The following CD8B2 variants were observed in gnomAD, a reference collection of about 807,000 sequenced individuals.
CD8B2 encodes the protein CD8B family member 2, also known as T-cell surface glycoprotein CD8 beta-2 chain.
CD8B2 carries 11 observed loss-of-function variants against 23.7 expected under a neutral mutation model. The observed-to-expected ratio is 0.46, with a 90% confidence interval of 0.29 to 0.77. CD8B2 has a LOEUF of 0.77. Among genes scored for constraint, CD8B2 ranks in the 30% least tolerant of loss-of-function variants. The pLI is 0.09. For missense variants in CD8B2, 197 were observed against 270.5 expected (o/e 0.73, Z 1.91); for synonymous variants, 90 against 109.3 (o/e 0.82, Z 1.10).
chr2:106,498,915 G>A (rs1469949948), intron 3 of CD8B2, among the ~76,000 whole-genome samples: 1 of 152,172 alleles, frequency 6.6e-6, no homozygotes, highest in East Asian at 1.9e-4. Flanking sequence ...CTTAGGTGCT[G>A]GGGGACCATT....
At chr2:106,513,224 A>G (rs1356325804), downstream of CD8B2, among the ~76,000 whole-genome samples, 2 of 151,482 alleles carry the variant, frequency 1.3e-5, no homozygotes, top group African/African-American at 4.9e-5. Flanking sequence ...AAGTTCAACA[A>G]CTCAGATCTC....
rs1175202885 is a variant in CD8B2 at position 106,507,029 on chromosome 2, A to G, written c.*89A>G. 6.7e-7 allele frequency: 1 copy of G among 1,494,690 alleles called. No individual in the cohort carries two copies. The highest frequency in any genetic ancestry group is 1.4e-5 in the African/African-American group (1 of 71,352). The allele number at this position is 1,494,690 out of a possible 1,614,324, so 92.6% of individuals were successfully genotyped here. On this transcript the variant is annotated 3_prime_UTR_variant, in exon 6 of 6. Coordinates refer to ENST00000643224, the MANE Select transcript of CD8B2 (RefSeq NM_001349727.2). ...GAAAAATGAGAGAAGGGACACATTC[A>G]ACCCTGGAGAGTTCAATGGCTGCTG...
At position 106,490,857 on chromosome 2, in the gene CD8B2, T is replaced by G; in HGVS notation, c.44-17T>G. Reference sequence around the variant, plus strand: ...GCTAGGAAAATGTGCGATGTCTCTGTTCTTGGCTTTTCCTAGTTCTCCATG... The same window carrying G: ...GCTAGGAAAATGTGCGATGTCTCTGGTCTTGGCTTTTCCTAGTTCTCCATG... On this transcript the variant is annotated splice_polypyrimidine_tract_variant and intron_variant, in intron 1 of 5. Transcript: ENST00000643224. 2 of 1,559,102 alleles carry G rather than the reference T, an allele frequency of 1.3e-6. No individual in the cohort carries two copies. Among genetic ancestry groups the G allele is most frequent in the Non-Finnish European group, 1.7e-6 (2 of 1,151,408 alleles).
At chr2:106,526,657 T>C (rs1679911172) in intron 5 of CD8B2, among the ~76,000 whole-genome samples, 1 of 152,228 alleles carries the variant, frequency 6.6e-6, no homozygotes, top group Non-Finnish European at 1.5e-5. Flanking sequence ...TTTTTTTCTT[T>C]TTTCCTTTTT....
intron 4 of CD8B2, among the ~76,000 whole-genome samples, chr2:106,503,768 T>TA (rs958041762): frequency 4.6e-5 from 7 of 152,022 alleles, no homozygotes; most frequent in Non-Finnish European, 8.8e-5. Context: ...ACCCCATTCC[T>TA]AAAAAAATAA....
chr2:106,532,982 T>C (rs1262038222), intron 5 of CD8B2, among the ~76,000 whole-genome samples: 2 of 152,152 alleles, frequency 1.3e-5, no homozygotes, highest in African/African-American at 4.8e-5. Context: ...ACCTCTGACA[T>C]TGGCACCAGA....
chr2:106,533,563 T>C (rs967121842), intron 5 of CD8B2, among the ~76,000 whole-genome samples: 23 of 152,228 alleles, frequency 1.5e-4, no homozygotes, highest in African/African-American at 5.1e-4. Context: ...GTTTATCCTG[T>C]CCATCCCCTC....
rs1679613947 is a variant in CD8B2 at position 106,510,662 on chromosome 2, T to A, written c.*3722T>A. On this transcript the variant is annotated 3_prime_UTR_variant, in exon 6 of 6. Transcript: ENST00000643224. ...TGGGAGGATCTCCTGAGCCCAGGAG[T>A]TTGAGACTGCAGTGAGCTGTGATCA... is the stretch of plus-strand genomic sequence containing the variant. 1.3e-5 allele frequency: 2 copies of A among 152,034 alleles called. No individual in the cohort carries two copies. The highest frequency in any genetic ancestry group is 2.9e-5 in the Non-Finnish European group (2 of 68,010). 9.4% of individuals were successfully genotyped at this position (152,034 alleles called of 1,614,324 possible). A position where few individuals can be genotyped will look rare whatever the true frequency, so the allele number is the denominator to read the frequency against.
chr2:106,503,030 G>A (rs1188370691), intron 4 of CD8B2, among the ~76,000 whole-genome samples: 4 of 149,866 alleles, frequency 2.7e-5, no homozygotes, highest in African/African-American at 7.4e-5. Context: ...CCACGACACC[G>A]ATATTGATGA....
intron 5 of CD8B2, among the ~76,000 whole-genome samples, chr2:106,517,973 C>T (rs1257239240): frequency 1.3e-5 from 2 of 152,154 alleles, no homozygotes; most frequent in African/African-American, 2.4e-5. Context: ...CTCGGCCTCC[C>T]AAAGTGCTGG....
intron 5 of CD8B2, among the ~76,000 whole-genome samples, chr2:106,530,418 G>A (rs923382536): frequency 1.3e-5 from 2 of 152,132 alleles, no homozygotes; most frequent in Non-Finnish European, 2.9e-5. Context: ...TCTCGCTGTC[G>A]CCCAGGCTGG....
At chr2:106,511,160 A>T (rs1010571274), downstream of CD8B2, 87 of 152,240 alleles carry the variant, frequency 5.7e-4, no homozygotes, top group Admixed American at 1.7e-3. Flanking sequence ...TTCATAAATT[A>T]AAAAAATCTG....
chr2:106,505,718 C>T (rs62154004), intron 5 of CD8B2, among the ~76,000 whole-genome samples: 12,865 of 152,220 alleles, frequency 0.085, 683 homozygotes, highest in Non-Finnish European at 0.11. Flanking sequence ...ATTTTATGGG[C>T]AATTTTCAAT....
intron 2 of CD8B2, among the ~76,000 whole-genome samples, chr2:106,494,887 T>C (rs1211401497): frequency 6.6e-6 from 1 of 152,162 alleles, no homozygotes; most frequent in Non-Finnish European, 1.5e-5. Context: ...ATTATATATA[T>C]ATTTTAGGGC....
intron 5 of CD8B2, among the ~76,000 whole-genome samples, chr2:106,533,019 A>G (rs1680013420): frequency 6.6e-6 from 1 of 152,216 alleles, no homozygotes; most frequent in African/African-American, 2.4e-5. Flanking sequence ...GTGGATTTTC[A>G]GAGAGACAAG....
At chr2:106,532,042 C>G (rs748434393) in intron 5 of CD8B2, among the ~76,000 whole-genome samples, 1 of 152,262 alleles carries the variant, frequency 6.6e-6, no homozygotes, top group Non-Finnish European at 1.5e-5. Context: ...CACACCCAAC[C>G]GCCCTCTTGA....
intron 5 of CD8B2, among the ~76,000 whole-genome samples, chr2:106,524,005 A>T (rs1558884501): frequency 6.6e-6 from 1 of 152,188 alleles, no homozygotes; most frequent in Non-Finnish European, 1.5e-5. Flanking sequence ...AGTCCTGTAA[A>T]TATCAGTTCT....
At chr2:106,536,714 G>A (rs1680096759) in intron 5 of CD8B2, among the ~76,000 whole-genome samples, 1 of 152,198 alleles carries the variant, frequency 6.6e-6, no homozygotes. Flanking sequence ...CAAAGGGTGT[G>A]TTACGGTAAG....
chr2:106,527,770 G>T (rs1037231263), intron 5 of CD8B2, among the ~76,000 whole-genome samples: 1 of 151,856 alleles, frequency 6.6e-6, no homozygotes, highest in East Asian at 1.9e-4. Context: ...GCCACAGAGC[G>T]AGACTTTGTC....
Sources: allele counts gnomAD v4.1 joint callset (sites outside exome capture counted in the v4.1 genomes callset), GRCh38; gene constraint gnomAD v4.1.1; transcripts MANE v1.5; gene names NCBI Gene and HGNC (gene_info 2026-07-23, HGNC 2026-07-21).